Variants in PRRG4 observed in about 807,000 individuals in gnomAD.
PRRG4 encodes the protein proline rich and Gla domain 4, also known as transmembrane gamma-carboxyglutamic acid protein 4.
In PRRG4, 12 loss-of-function variants were observed where a neutral mutation model predicts 20.0. The observed-to-expected ratio is 0.60, with a 90% CI of 0.38 to 0.97. The LOEUF (loss-of-function observed/expected upper bound fraction) is 0.97. PRRG4 is among the 50% of genes least tolerant of loss of function. PRRG4 has a pLI of 0.00. For missense variants in PRRG4, 199 were observed against 265.1 expected, an observed-to-expected ratio of 0.75 and a Z score of 1.73; for synonymous variants, 94 against 96.4, an observed-to-expected ratio of 0.98 and a Z score of 0.15.
intron 5 of PRRG4, among the ~76,000 whole-genome samples, chr11:32,849,124 A>T (rs1447597996): frequency 6.6e-6 from 1 of 152,084 alleles, no homozygotes; most frequent in Non-Finnish European, 1.5e-5. Flanking sequence ...GTACTTTGGG[A>T]GTCCGAGGCA....
intron 2 of PRRG4, 117 bp downstream of exon 2, chr11:32,830,749 G>C (rs931084236): frequency 3.0e-5 from 44 of 1,483,946 alleles, no homozygotes; most frequent in Non-Finnish European, 3.2e-5. Context: ...ATATCCTTTA[G>C]TTTAATTTGT....
chr11:32,842,960 C>T lies in PRRG4; in HGVS notation c.449+2721C>T, dbSNP rs189401299. ...TCTGCCTCCTGGGTTCAAGCAATTCCCCTGCCTCAGTCTCCTGAGTAGCTA... is the reference window on the plus strand; with the variant it reads ...TCTGCCTCCTGGGTTCAAGCAATTCTCCTGCCTCAGTCTCCTGAGTAGCTA... On this transcript the variant is annotated intron_variant, in intron 5 of 5. Coordinates refer to ENST00000257836, the MANE Select transcript of PRRG4 (RefSeq NM_024081.6). Among the ~76,000 whole-genome samples, 1,078 of 151,640 alleles carry T rather than the reference C, an allele frequency of 7.1e-3. 16 individuals carry two copies. Among genetic ancestry groups the T allele is most frequent in the African/African-American group, 0.025 (1,017 of 41,384 alleles).
At chr11:32,844,376 A>T (rs1282309378) in intron 5 of PRRG4, among the ~76,000 whole-genome samples, 1 of 152,142 alleles carries the variant, frequency 6.6e-6, no homozygotes, top group African/African-American at 2.4e-5. Flanking sequence ...GTATGTCATA[A>T]GGGACTTACA....
chr11:32,839,730 A>G (rs1006169457), intron 4 of PRRG4, among the ~76,000 whole-genome samples: 4 of 120,632 alleles, frequency 3.3e-5, no homozygotes, highest in Non-Finnish European at 7.7e-5. Context: ...ATATATTTTG[A>G]ATATTATTAA....
At chr11:32,831,943 C>T (rs970925366) in intron 2 of PRRG4, among the ~76,000 whole-genome samples, 38 of 151,982 alleles carry the variant, frequency 2.5e-4, no homozygotes, top group Non-Finnish European at 2.6e-4. Context: ...GAGCTGAGAT[C>T]GTGCCACTGC....
chr11:32,840,004 T>G lies in PRRG4; in HGVS notation c.317-103T>G. The G allele has an allele frequency of 1.3e-6, 1 of 755,876 alleles. No homozygotes were observed. The highest frequency in any genetic ancestry group is 2.0e-6 in the Non-Finnish European group (1 of 489,310). The allele number at this position is 755,876 out of a possible 1,614,324, so 46.8% of individuals were successfully genotyped here. A position where few individuals can be genotyped will look rare whatever the true frequency, so the allele number is the denominator to read the frequency against. ...CTTGAAAGAAGTCAACATCAATGATTAGATGCTGTATAATGTGTTTAGAAC... is the reference window on the plus strand; with the variant it reads ...CTTGAAAGAAGTCAACATCAATGATGAGATGCTGTATAATGTGTTTAGAAC... On this transcript the variant is annotated intron_variant, in intron 4 of 5. Coordinates refer to ENST00000257836, the MANE Select transcript of PRRG4 (RefSeq NM_024081.6). The surrounding 1 kb of genome is among the most constrained non-coding windows in gnomAD (Gnocchi z 4.1).
In PRRG4 at chr11:32,840,140, T is replaced by C. The variant is rs763274560; in HGVS notation, c.350T>C (p.Leu117Pro). Residue 117 changes from leucine to proline, a missense_variant, in exon 5 of 6, where the codon CTT (leucine) becomes CCT (proline). By Grantham distance (98) the Leu-to-Pro change is moderately conservative (BLOSUM62 -3). Transcript: ENST00000257836. This position sits in a 1 kb window ranked among gnomAD's most constrained non-coding sequence, Gnocchi z 4.1. ...GNREKIDVMG[L>P]LTGLIAAGVF... The stretch of plus-strand genomic sequence containing the variant: ...AGAGAGAAAATAGATGTTATGGGCC[T>C]TCTGACTGGATTAATTGCTGCTGGA... 5 of 1,606,856 alleles carry C rather than the reference T, an allele frequency of 3.1e-6. No homozygotes were observed. Among genetic ancestry groups the C allele is most frequent in the Non-Finnish European group, 4.3e-6 (5 of 1,173,714 alleles).
In PRRG4 at chr11:32,830,631, A is replaced by C; in HGVS notation, c.102A>C (p.Glu34Asp). 1 of 1,613,946 alleles carries C rather than the reference A, an allele frequency of 6.2e-7. No homozygotes were observed. Among genetic ancestry groups the C allele is most frequent in the Non-Finnish European group, 8.5e-7 (1 of 1,179,972 alleles). Reference sequence around the variant, plus strand: ...AGGCTTCTAAGCATGCGGGAGAAGAAGGTAAGCACTAAAACGTCCCTGGAA... The same window carrying C: ...AGGCTTCTAAGCATGCGGGAGAAGACGGTAAGCACTAAAACGTCCCTGGAA... ...GPKASKHAGE[E>D]VFTSKEEANF... Residue 34 changes from glutamate to aspartate, a missense_variant and splice_region_variant, in exon 2 of 6, where the codon GAA becomes GAC. Physicochemically the swap from Glu to Asp is conservative, Grantham distance 45 (BLOSUM62 2). Coordinates refer to ENST00000257836, the MANE Select transcript of PRRG4 (RefSeq NM_024081.6).
At chr11:32,852,987 A>G (rs1851197004) in intron 5 of PRRG4, among the ~76,000 whole-genome samples, 1 of 122,306 alleles carries the variant, frequency 8.2e-6, no homozygotes, top group Non-Finnish European at 1.6e-5. Context: ...ACAGGGTTTC[A>G]CCATGTTAGC....
intron 4 of PRRG4, 95 bp downstream of exon 4, chr11:32,839,025 C>T (rs1007061185): frequency 1.2e-6 from 1 of 829,184 alleles, no homozygotes; most frequent in African/African-American, 1.7e-5. Context: ...TGTTGCGCAA[C>T]ATACATACCT....
At chr11:32,832,294 C>T (rs951664943) in intron 2 of PRRG4, among the ~76,000 whole-genome samples, 1 of 152,046 alleles carries the variant, frequency 6.6e-6, no homozygotes, top group African/African-American at 2.4e-5. Context: ...GTTAAACAGA[C>T]GATCTCCATC....
rs534040871 is a variant in PRRG4 at position 32,848,065 on chromosome 11, C to G, written c.450-5231C>G. Among the ~76,000 whole-genome samples, 4 of 152,242 alleles carry G rather than the reference C, an allele frequency of 2.6e-5. No homozygotes were observed. In the South Asian group the frequency reaches 8.3e-4, roughly 32 times the overall value. On this transcript the variant is annotated intron_variant, in intron 5 of 5. Transcript: ENST00000257836. ...TTGAGACTGGGTAATTTATAAGGAA[C>G]AGAAATTTATCTCTTGTAGTTCTGG...
chr11:32,830,667 C>T (rs781198453), intron 2 of PRRG4, 35 bp downstream of exon 2: 2 of 1,613,574 alleles, frequency 1.2e-6, no homozygotes, highest in Non-Finnish European at 8.5e-7. Context: ...CCCAGAGCCG[C>T]ATAGCACAGA....
intron 3 of PRRG4, 130 bp downstream of exon 3, chr11:32,836,951 C>T (rs1851025085): frequency 5.8e-6 from 4 of 689,910 alleles, no homozygotes; most frequent in Non-Finnish European, 7.1e-6. Context: ...CTTTCTACTT[C>T]CTTAAAATGG....
intron 5 of PRRG4, among the ~76,000 whole-genome samples, chr11:32,843,113 G>A (rs1851094793): frequency 1.3e-5 from 2 of 152,072 alleles, no homozygotes; most frequent in African/African-American, 4.8e-5. Flanking sequence ...AAAGTTTTCG[G>A]ATTACAGGCA....
intron 4 of PRRG4, 82 bp downstream of exon 4, chr11:32,839,012 G>A: frequency 9.6e-7 from 1 of 1,041,808 alleles, no homozygotes; most frequent in Non-Finnish European, 1.5e-6. Context: ...GTTTGAGTTT[G>A]GTTGTTGCGC....
rs1044920852 is a variant in PRRG4, at chr11:32,858,111, T to C, written c.*4584T>C. Reference sequence around the variant, plus strand: ...TTTTTACACATGCAAATAAACTTTATACCAAGTGAGTATTTATTGCTTGTT... The same window carrying C: ...TTTTTACACATGCAAATAAACTTTACACCAAGTGAGTATTTATTGCTTGTT... On this transcript the variant is annotated 3_prime_UTR_variant, in exon 6 of 6. Coordinates refer to ENST00000257836, the MANE Select transcript of PRRG4 (RefSeq NM_024081.6). 1 of 152,192 alleles carries C rather than the reference T, an allele frequency of 6.6e-6. No individual in the cohort carries two copies. Among genetic ancestry groups the C allele is most frequent in the Admixed American group, 6.5e-5 (1 of 15,278 alleles). The allele number at this position is 152,192 out of a possible 1,614,324, so 9.4% of individuals were successfully genotyped here. A position where few individuals can be genotyped will look rare whatever the true frequency, so the allele number is the denominator to read the frequency against.
At chr11:32,830,770 G>A in intron 2 of PRRG4, 138 bp downstream of exon 2, 1 of 1,382,712 alleles carries the variant, frequency 7.2e-7, no homozygotes, top group Non-Finnish European at 9.7e-7. Flanking sequence ...GGCATATTTG[G>A]CAAGGTTGTG....
At chr11:32,836,851 G>A (rs1208560262) in intron 3 of PRRG4, 30 bp downstream of exon 3, 2 of 1,582,958 alleles carry the variant, frequency 1.3e-6, no homozygotes, top group Non-Finnish European at 1.7e-6. Context: ...TAATTGGCTG[G>A]AAATGTTAAA....
Sources: allele counts gnomAD v4.1 joint callset (sites outside exome capture counted in the v4.1 genomes callset), GRCh38; gene constraint gnomAD v4.1.1; non-coding constraint Gnocchi (gnomAD v3.1); transcripts MANE v1.5; gene names NCBI Gene and HGNC (gene_info 2026-07-23, HGNC 2026-07-21).